The following ASH1L variants were observed in gnomAD, a reference collection of about 807,000 sequenced individuals.
The protein encoded by ASH1L is histone-lysine N-methyltransferase ASH1L.
Under a neutral mutation model 269.0 loss-of-function variants are expected in ASH1L, and 23 were observed. The ratio of observed to expected loss-of-function variants is 0.09; its 90% CI spans 0.06 to 0.12. The LOEUF (loss-of-function observed/expected upper bound fraction) is 0.12. Ranked by LOEUF, ASH1L falls within the 10% of genes least tolerant of loss-of-function variation. The pLI is 1.00. For missense variants in ASH1L, 2,912 were observed against 3,567.8 expected (o/e 0.82, Z 4.68); for synonymous variants, 1,187 against 1,253.5 (o/e 0.95, Z 1.12).
chr1:155,541,756 T>C (rs1670440479), intron 1 of ASH1L, among the ~76,000 whole-genome samples: 1 of 152,144 alleles, frequency 6.6e-6, no homozygotes, highest in Non-Finnish European at 1.5e-5. Flanking sequence ...TCAATAACCA[T>C]ATTTTTAGGG....
intron 1 of ASH1L, among the ~76,000 whole-genome samples, chr1:155,540,531 A>G (rs1670359637): frequency 6.6e-6 from 1 of 152,158 alleles, no homozygotes; most frequent in Non-Finnish European, 1.5e-5. Context: ...GCACTTTGGG[A>G]GGCCAAGGCA....
chr1:155,348,388 A>G (rs752837997), intron 19 of ASH1L, among the ~76,000 whole-genome samples: 13 of 151,622 alleles, frequency 8.6e-5, no homozygotes, highest in Non-Finnish European at 1.5e-4. Context: ...TTCAACTTCT[A>G]TTATTCCTTT....
At chr1:155,369,514 A>G (rs1038023132) in intron 12 of ASH1L, among the ~76,000 whole-genome samples, 13 of 152,206 alleles carry the variant, frequency 8.5e-5, no homozygotes, top group African/African-American at 3.1e-4. Context: ...AAACTTAACA[A>G]AAAACCCCAA....
At chr1:155,542,417 TG>T (rs1244906261) in intron 1 of ASH1L, among the ~76,000 whole-genome samples, 1 of 151,688 alleles carries the variant, frequency 6.6e-6, no homozygotes, top group Non-Finnish European at 1.5e-5. Flanking sequence ...GGCGTGGTGG[TG>T]GGCGCCTGTA....
chr1:155,489,795 A>AAAT lies in ASH1L; in HGVS notation c.421-7347_421-7346insATT, dbSNP rs1666629119. ...TAAATAAATGGGGAGACACTGTCTC[A>AAAT]AAATAAATAAATAAATAAATAAATA... On this transcript the variant is annotated intron_variant, in intron 2 of 27. Transcript: ENST00000392403. 2.4e-3 allele frequency among the ~76,000 whole-genome samples: 335 copies of AAAT among 141,548 alleles called. 6 individuals carry two copies. Among genetic ancestry groups the AAAT allele is most frequent in the African/African-American group, 8.2e-3 (313 of 38,256 alleles). The allele number at this position is 141,548 out of a possible 152,430, so 92.9% of individuals were successfully genotyped here. A position where few individuals can be genotyped will look rare whatever the true frequency, so the allele number is the denominator to read the frequency against.
chr1:155,474,494 T>C (rs958385603), intron 3 of ASH1L, among the ~76,000 whole-genome samples: 2 of 151,024 alleles, frequency 1.3e-5, no homozygotes, highest in Non-Finnish European at 3.0e-5. Flanking sequence ...AGCCCAGGAG[T>C]TCAAGATCAG....
Position 155,476,795 on chromosome 1 carries a change from C to T in ASH1L, c.4984+1091G>A, listed in dbSNP as rs1665586034. Among the ~76,000 whole-genome samples the T allele has an allele frequency of 2.6e-5, 4 of 152,008 alleles. No homozygotes were observed. The South Asian group carries it at 6.2e-4, about 24-fold the overall frequency. ...GTCTCGATCTCTTGACCTCATGATC[C>T]GCCCACCTCGGCCTCCCAAAGCACT... is the stretch of plus-strand genomic sequence containing the variant. On this transcript the variant is annotated intron_variant, in intron 3 of 27. Transcript: ENST00000392403.
rs772589123 is a variant in ASH1L, at chr1:155,395,450, G to T, written c.6103+9C>A. On this transcript the variant is annotated intron_variant, in intron 7 of 27. Transcript: ENST00000392403. ...TCTCAGCAATACATTGTGTGGACTC[G>T]GTACTTACCAACATGAATGGGCGCT... 46 of 1,585,806 alleles carry T rather than the reference G, an allele frequency of 2.9e-5. 2 individuals carry two copies. The Admixed American group carries it at 7.4e-4, about 26-fold the overall frequency.
At chr1:155,545,432 T>A (rs1348011323) in intron 1 of ASH1L, among the ~76,000 whole-genome samples, 1 of 151,682 alleles carries the variant, frequency 6.6e-6, no homozygotes, top group African/African-American at 2.4e-5. Context: ...TATATGAAGA[T>A]TTCCTTCATA....
At chr1:155,535,045 G>A (rs192787066) in intron 1 of ASH1L, among the ~76,000 whole-genome samples, 17 of 152,164 alleles carry the variant, frequency 1.1e-4, no homozygotes, top group Non-Finnish European at 2.1e-4. Flanking sequence ...AAAAATTAGC[G>A]GGACATGGTG....
rs762088720 is a variant in ASH1L, at chr1:155,479,198, C to T, written c.3672G>A (p.Arg1224=). ...TCAGAGAAACATGCTCAAAAGAATG[C>T]CTCCTCTTTTTTTGCCCACAAAATT... ...AEKFCGQKKR[R]HSFEHVSLIP... The change falls in exon 3 of 28, where the codon AGG becomes AGA. Residue 1224 remains arginine (R), a synonymous_variant. Coordinates refer to ENST00000392403, the MANE Select transcript of ASH1L (RefSeq NM_018489.3). 2 of 1,614,036 alleles carry T rather than the reference C, an allele frequency of 1.2e-6. No individual in the cohort carries two copies. Among genetic ancestry groups the T allele is most frequent in the South Asian group, 1.1e-5 (1 of 91,076 alleles).
intron 1 of ASH1L, among the ~76,000 whole-genome samples, chr1:155,559,557 AGAT>A (rs1470483433): frequency 6.6e-6 from 1 of 152,036 alleles, no homozygotes; most frequent in Non-Finnish European, 1.5e-5. Context: ...AAAAAGCACA[AGAT>A]GATACAAAAC....
chr1:155,562,154 G>A lies in ASH1L; in HGVS notation c.-101C>T, dbSNP rs774543191. 17 of 1,563,484 alleles carry A rather than the reference G, an allele frequency of 1.1e-5. No individual in the cohort carries two copies. The highest frequency in any genetic ancestry group is 1.4e-5 in the Non-Finnish European group (16 of 1,140,710). On this transcript the variant is annotated splice_region_variant and 5_prime_UTR_variant, in exon 1 of 28. The change creates a new upstream start codon in the 5' untranslated region. Coordinates refer to ENST00000392403, the MANE Select transcript of ASH1L (RefSeq NM_018489.3). ...GCCGGCCCAAATCGTTCTACTCACC[G>A]TGTCGGAGGCCGAGGCCGAGGCCGA...
chr1:155,517,437 T>G (rs1275595075), intron 2 of ASH1L, among the ~76,000 whole-genome samples: 3 of 152,134 alleles, frequency 2.0e-5, no homozygotes, highest in Non-Finnish European at 2.9e-5. Context: ...GAGACCAGCC[T>G]GGCCAACATG....
chr1:155,403,854 A>G (rs1571117354), intron 6 of ASH1L, among the ~76,000 whole-genome samples: 1 of 150,270 alleles, frequency 6.7e-6, no homozygotes, highest in East Asian at 2.0e-4. Flanking sequence ...CCCCTCTTTC[A>G]CTTCCTGCTG....
chr1:155,443,128 G>A (rs1273369070), intron 4 of ASH1L, among the ~76,000 whole-genome samples: 3 of 152,074 alleles, frequency 2.0e-5, no homozygotes, highest in South Asian at 2.1e-4. Context: ...TCATTAACAC[G>A]TAGTTGAAGA....
intron 7 of ASH1L, among the ~76,000 whole-genome samples, chr1:155,395,149 C>T (rs746978829): frequency 1.2e-4 from 18 of 152,158 alleles, no homozygotes; most frequent in Non-Finnish European, 2.2e-4. Flanking sequence ...GTTGCCCAGG[C>T]CATCAACTCC....
intron 6 of ASH1L, among the ~76,000 whole-genome samples, chr1:155,398,187 G>A (rs1658523461): frequency 6.6e-6 from 1 of 152,196 alleles, no homozygotes; most frequent in South Asian, 2.1e-4. Context: ...GCAGATATAT[G>A]TAAAAGCACT....
chr1:155,389,938 T>C (rs192032125), intron 7 of ASH1L, among the ~76,000 whole-genome samples: 9 of 151,064 alleles, frequency 6.0e-5, no homozygotes, highest in Non-Finnish European at 1.0e-4. Flanking sequence ...AACAATCATG[T>C]CATCTATAAA....
Sources: gnomAD v4.1 joint callset for allele counts (sites outside exome capture counted in the v4.1 genomes callset) on GRCh38, gnomAD v4.1.1 for gene constraint, MANE v1.5 for transcripts, NCBI Gene and HGNC (gene_info 2026-07-23, HGNC 2026-07-21) for gene names.